Variants in ATP9B observed in about 807,000 individuals in gnomAD.
ATP9B encodes ATPase phospholipid transporting 9B.
A neutral mutation model predicts 146.1 loss-of-function variants in ATP9B; 110 were observed. That is an observed-to-expected ratio of 0.75 (90% CI 0.65 to 0.88). The LOEUF is 0.88. ATP9B is among the 40% of genes least tolerant of loss of function. The pLI, the probability that ATP9B is intolerant of heterozygous loss-of-function variation, is 0.00. For synonymous variants in ATP9B, 604 were observed against 569.7 expected (o/e 1.06, Z -0.86); for missense variants, 1,499 against 1,496.4 (o/e 1.00, Z -0.03).
intron 25 of ATP9B, among the ~76,000 whole-genome samples, chr18:79,349,894 AC>A (rs33953089): frequency 0.53 from 60,467 of 114,854 alleles, 12,957 homozygotes; most frequent in East Asian, 0.68. Flanking sequence ...GAGGCCCCGC[AC>A]CCCCCCCCCC....
chr18:79,291,696 T>C (rs1599680373), intron 13 of ATP9B, among the ~76,000 whole-genome samples: 1 of 152,212 alleles, frequency 6.6e-6, no homozygotes, highest in Non-Finnish European at 1.5e-5. Flanking sequence ...TGAGAAGTGT[T>C]AGTCATTTAT....
chr18:79,248,170 G>A (rs1224266286), intron 11 of ATP9B, among the ~76,000 whole-genome samples: 1 of 152,118 alleles, frequency 6.6e-6, no homozygotes, highest in Admixed American at 6.5e-5. Context: ...ACACACTTAA[G>A]GCTTAGTAGT....
intron 26 of ATP9B, among the ~76,000 whole-genome samples, chr18:79,370,870 C>T (rs2097065220): frequency 6.6e-6 from 1 of 152,256 alleles, no homozygotes; most frequent in East Asian, 1.9e-4. Flanking sequence ...ACAGAATAAG[C>T]CTTTTCTTTC....
At chr18:79,304,920 G>C (rs1050270206) in intron 14 of ATP9B, among the ~76,000 whole-genome samples, 5 of 152,190 alleles carry the variant, frequency 3.3e-5, no homozygotes, top group African/African-American at 1.2e-4. Context: ...TCTGAATATA[G>C]TGATCCACAT....
At position 79,069,449 on chromosome 18, in the gene ATP9B, A is replaced by G. The variant is rs2071427631; in HGVS notation, c.39A>G (p.Ala13=). The change falls in exon 1 of 30, where the codon GCA becomes GCG. Residue 13 remains alanine, a synonymous_variant. Coordinates refer to ENST00000426216, the MANE Select transcript of ATP9B (RefSeq NM_198531.5). The stretch of plus-strand genomic sequence containing the variant: ...TCCCGCTTTACCCGGTGCGTAGCGC[A>G]GCGGCGGCCGCAGCCAACCGCAAAC... ...DQIPLYPVRS[A]AAAAANRKRA... is the part of the protein sequence containing the mutation. 10 of 1,515,082 alleles carry G rather than the reference A, an allele frequency of 6.6e-6. No individual in the cohort carries two copies. The East Asian group carries it at 1.1e-4, about 17-fold the overall frequency. The allele number at this position is 1,515,082 out of a possible 1,614,324, so 93.9% of individuals were successfully genotyped here.
intron 12 of ATP9B, among the ~76,000 whole-genome samples, chr18:79,257,726 C>T (rs1381800230): frequency 6.6e-6 from 1 of 152,234 alleles, no homozygotes; most frequent in African/African-American, 2.4e-5. Flanking sequence ...AGGGCGCCTG[C>T]TCCCATCTCT....
In ATP9B at chr18:79,093,930, C is replaced by T. The variant is rs932104817; in HGVS notation, c.120-2546C>T. Among the ~76,000 whole-genome samples the T allele has an allele frequency of 3.9e-5, 6 of 152,174 alleles. No individual in the cohort carries two copies. The East Asian group carries it at 9.6e-4, about 24-fold the overall frequency. On this transcript the variant is annotated intron_variant, in intron 1 of 29. Coordinates refer to ENST00000426216, the MANE Select transcript of ATP9B (RefSeq NM_198531.5). ...TTAGCATTTGTTGGTTGTTCTTTCTCTTGACTATTGGCCATATTTCCCTGT... is the reference window on the plus strand; with the variant it reads ...TTAGCATTTGTTGGTTGTTCTTTCTTTTGACTATTGGCCATATTTCCCTGT...
At chr18:79,313,808 A>C (rs1446174418) in intron 15 of ATP9B, among the ~76,000 whole-genome samples, 1 of 152,234 alleles carries the variant, frequency 6.6e-6, no homozygotes, top group Non-Finnish European at 1.5e-5. Context: ...AAATTGGACA[A>C]TGATAAAAAA....
chr18:79,080,159 T>G (rs936054156), intron 1 of ATP9B, among the ~76,000 whole-genome samples: 1 of 152,200 alleles, frequency 6.6e-6, no homozygotes, highest in African/African-American at 2.4e-5. Context: ...TTAAAGTAGT[T>G]TTTTTCTAAT....
intron 2 of ATP9B, among the ~76,000 whole-genome samples, chr18:79,105,136 A>G (rs550953): frequency 0.39 from 58,711 of 151,912 alleles, 11,762 homozygotes; most frequent in East Asian, 0.52. Flanking sequence ...CTGAGAAATC[A>G]TTATGGAAAT....
chr18:79,151,722 GA>G (rs1187260631), intron 6 of ATP9B, among the ~76,000 whole-genome samples: 2 of 147,354 alleles, frequency 1.4e-5, no homozygotes, highest in African/African-American at 5.1e-5. Flanking sequence ...TATGTATGTA[GA>G]AGTGTTTTTT....
At position 79,344,288 on chromosome 18, in the gene ATP9B, T is replaced by G; in HGVS notation, c.2406T>G (p.His802Gln). ...AGGTAACCAGTCGGGGAGAGGCACA[T>G]TTGGAGCTGAATGCATTTCGAAGGA... ...FRQVTSRGEA[H>Q]LELNAFRRKH... Residue 802 changes from histidine to glutamine, a missense_variant, in exon 21 of 30, where the codon CAT (histidine) becomes CAG (glutamine). His to Gln is a conservative substitution (Grantham distance 24). Transcript: ENST00000426216. 1 of 1,614,198 alleles carries G rather than the reference T, an allele frequency of 6.2e-7. No homozygotes were observed. Among genetic ancestry groups the G allele is most frequent in the Non-Finnish European group, 8.5e-7 (1 of 1,180,022 alleles).
At chr18:79,294,464 A>C (rs1194796352) in intron 13 of ATP9B, among the ~76,000 whole-genome samples, 1 of 152,238 alleles carries the variant, frequency 6.6e-6, no homozygotes, top group Admixed American at 6.5e-5. Context: ...CACAGGGCCC[A>C]CAGGCACAGG....
At chr18:79,315,982 G>C in intron 15 of ATP9B, among the ~76,000 whole-genome samples, 2 of 152,248 alleles carry the variant, frequency 1.3e-5, no homozygotes, top group South Asian at 4.1e-4. Flanking sequence ...CATTTGAAGT[G>C]TACTAAGCCT....
At chr18:79,101,373 T>G (rs757981590) in intron 2 of ATP9B, among the ~76,000 whole-genome samples, 2 of 152,204 alleles carry the variant, frequency 1.3e-5, no homozygotes, top group Non-Finnish European at 2.9e-5. Flanking sequence ...ATTATGTGAT[T>G]TGTTTTTTGA....
intron 10 of ATP9B, among the ~76,000 whole-genome samples, chr18:79,213,558 G>A (rs527796301): frequency 2.0e-5 from 3 of 152,162 alleles, no homozygotes; most frequent in African/African-American, 7.2e-5. Flanking sequence ...AAAGAAAGTG[G>A]TTCATCTGGT....
intron 11 of ATP9B, among the ~76,000 whole-genome samples, chr18:79,251,948 T>A (rs1430048262): frequency 3.9e-5 from 6 of 152,244 alleles, no homozygotes; most frequent in Non-Finnish European, 1.5e-5. Flanking sequence ...TAATGTCACA[T>A]AGATCAGAAA....
At chr18:79,250,650 G>T (rs992897281) in intron 11 of ATP9B, among the ~76,000 whole-genome samples, 1 of 152,222 alleles carries the variant, frequency 6.6e-6, no homozygotes, top group Non-Finnish European at 1.5e-5. Context: ...AGCGGAAATT[G>T]CACGATATTT....
chr18:79,190,765 C>G (rs1158837689), intron 8 of ATP9B, among the ~76,000 whole-genome samples: 3 of 152,100 alleles, frequency 2.0e-5, no homozygotes, highest in Non-Finnish European at 2.9e-5. Context: ...AGGCTGCTCT[C>G]AAACTCCTGG....
Sources: allele counts gnomAD v4.1 joint callset (sites outside exome capture counted in the v4.1 genomes callset), GRCh38; gene constraint gnomAD v4.1.1; transcripts MANE v1.5; gene names NCBI Gene and HGNC (gene_info 2026-07-23, HGNC 2026-07-21).